The following OXCT1 variants were observed in gnomAD, a reference collection of about 807,000 sequenced individuals.
OXCT1 encodes the protein 3-oxoacid CoA-transferase 1, also known as succinyl-CoA:3-ketoacid coenzyme A transferase 1, mitochondrial.
OXCT1 carries 27 observed loss-of-function variants against 69.6 expected under a neutral mutation model. That is an observed-to-expected ratio of 0.39 (90% CI 0.29 to 0.54). The LOEUF (loss-of-function observed/expected upper bound fraction) is 0.54, where lower values mean the gene tolerates loss of function less well. Ranked by LOEUF, OXCT1 falls within the 20% of genes least tolerant of loss-of-function variation. The pLI is 0.72. For synonymous variants in OXCT1, 202 were observed against 217.8 expected, an observed-to-expected ratio of 0.93 and a Z score of 0.64; for missense variants, 437 against 650.2, an observed-to-expected ratio of 0.67 and a Z score of 3.57.
At chr5:41,736,483 A>G (rs1304880519) in intron 16 of OXCT1, among the ~76,000 whole-genome samples, 1 of 152,190 alleles carries the variant, frequency 6.6e-6, no homozygotes. Context: ...TAACACTATG[A>G]TATATATGAA....
intron 5 of OXCT1, among the ~76,000 whole-genome samples, chr5:41,847,150 A>T (rs925050340): frequency 6.6e-6 from 1 of 151,812 alleles, no homozygotes; most frequent in African/African-American, 2.4e-5. Flanking sequence ...TACTACAAAC[A>T]CCTCTACGCA....
intron 16 of OXCT1, among the ~76,000 whole-genome samples, chr5:41,734,462 A>G (rs1342744003): frequency 6.6e-6 from 1 of 152,196 alleles, no homozygotes; most frequent in Non-Finnish European, 1.5e-5. Context: ...CAATGGCAAA[A>G]CCATTTATTA....
intron 16 of OXCT1, among the ~76,000 whole-genome samples, chr5:41,738,927 C>T (rs1743021674): frequency 6.6e-6 from 1 of 152,164 alleles, no homozygotes; most frequent in Non-Finnish European, 1.5e-5. Context: ...AGAGGCCCAA[C>T]ATTTTAATAT....
intron 13 of OXCT1, among the ~76,000 whole-genome samples, chr5:41,787,634 C>CAAAAAAAAAAAAAA (rs765691863): frequency 2.9e-5 from 1 of 34,728 alleles, no homozygotes; most frequent in Non-Finnish European, 4.5e-5. Flanking sequence ...AAGCATTAGG[C>CAAAAAAAAAAAAAA]AAAAAAAAAA....
intron 12 of OXCT1, chr5:41,794,315 C>T (rs1003273603): frequency 2.8e-5 from 17 of 600,494 alleles, no homozygotes; most frequent in Admixed American, 3.0e-5. Context: ...CAGGTGTACA[C>T]AGGAAGACTG....
intron 14 of OXCT1, among the ~76,000 whole-genome samples, chr5:41,761,093 A>C (rs1314579856): frequency 6.6e-6 from 1 of 152,144 alleles, no homozygotes; most frequent in East Asian, 1.9e-4. Context: ...GAGGATGAAG[A>C]GAAGGCAAAG....
rs150864618 is a variant in OXCT1 at position 41,830,028 on chromosome 5, C to A, written c.732+10423G>T. 1.1e-3 allele frequency among the ~76,000 whole-genome samples: 162 copies of A among 152,204 alleles called. 1 individual carries two copies. The highest frequency in any genetic ancestry group is 3.7e-3 in the African/African-American group (154 of 41,538). On this transcript the variant is annotated intron_variant, in intron 7 of 16. Transcript: ENST00000196371. The stretch of plus-strand genomic sequence containing the variant: ...CATTACATTTTCAAAGCACTCTATA[C>A]CTGGCTAAATATGTGGCACAGAATT...
In OXCT1 at chr5:41,840,431, A is replaced by G. The variant is rs1199995910; in HGVS notation, c.732+20T>C. On this transcript the variant is annotated intron_variant, in intron 7 of 16. Transcript: ENST00000196371. ...TCAAGTTAAATAATTAACACCAAGA[A>G]TTCAAAAATAACCTCTTACCTCTAC... The G allele has an allele frequency of 2.5e-6, 4 of 1,578,068 alleles. No individual in the cohort carries two copies. The highest frequency in any genetic ancestry group is 2.2e-5 in the East Asian group (1 of 44,624).
intron 6 of OXCT1, 149 bp downstream of exon 6, chr5:41,842,526 G>A (rs1298036776): frequency 4.3e-6 from 3 of 701,768 alleles, no homozygotes; most frequent in Non-Finnish European, 7.9e-6. Context: ...CATACCAGCA[G>A]CCCTGCACAC....
At chr5:41,746,470 T>C (rs1008555514) in intron 15 of OXCT1, among the ~76,000 whole-genome samples, 5 of 152,080 alleles carry the variant, frequency 3.3e-5, no homozygotes, top group Admixed American at 3.3e-4. Flanking sequence ...GGCACTGCAT[T>C]CTCATTACTC....
intron 13 of OXCT1, among the ~76,000 whole-genome samples, chr5:41,773,412 GAAAAAAA>G (rs1412077994): frequency 8.8e-6 from 1 of 113,332 alleles, no homozygotes; most frequent in Non-Finnish European, 1.9e-5. Context: ...CTGTCTCTAC[GAAAAAAA>G]AAAAAAAGAA....
chr5:41,870,301 A>G lies in OXCT1; in HGVS notation c.58T>C (p.Ser20Pro), dbSNP rs1378788165. The change falls in exon 1 of 17, where the codon TCT becomes CCT. Residue 20 changes from serine (S) to proline (P), a missense_variant. Physicochemically the swap from Ser to Pro is moderately conservative, Grantham distance 74. Around this residue, in one of 4 missense-constraint regions of OXCT1, gnomAD observed 79 missense variants for 61.5 expected, o/e 1.28. Coordinates refer to ENST00000196371, the MANE Select transcript of OXCT1 (RefSeq NM_000436.4). This position sits in a 1 kb window ranked among gnomAD's most constrained non-coding sequence, Gnocchi z 4.2. ...TTTACCTTGTACCAGGTTGCCCCAG[A>G]TCCGCGGGCAGAGGCGCAGAGCCGA... The part of the protein sequence containing the change: ...GLRLCASARG[S>P]GATWYKGCVC... The G allele has an allele frequency of 6.2e-7, 1 of 1,613,870 alleles. No individual in the cohort carries two copies. The highest frequency in any genetic ancestry group is 8.5e-7 in the Non-Finnish European group (1 of 1,179,772).
chr5:41,738,944 C>A (rs900757970), intron 16 of OXCT1, among the ~76,000 whole-genome samples: 4 of 152,118 alleles, frequency 2.6e-5, no homozygotes, highest in African/African-American at 9.7e-5. Flanking sequence ...ATATTTTCAA[C>A]GGATGAAATA....
At chr5:41,740,307 C>T (rs1743101301) in intron 15 of OXCT1, among the ~76,000 whole-genome samples, 1 of 152,162 alleles carries the variant, frequency 6.6e-6, no homozygotes, top group African/African-American at 2.4e-5. Context: ...AGGATAGCTA[C>T]CCTGGTCCTG....
chr5:41,759,936 C>G (rs1456226677), intron 14 of OXCT1, among the ~76,000 whole-genome samples: 3 of 152,120 alleles, frequency 2.0e-5, no homozygotes, highest in Non-Finnish European at 4.4e-5. Flanking sequence ...TTACAAAACT[C>G]TAGAGATTGC....
rs181198787 is a variant in OXCT1, at chr5:41,815,672, A to G, written c.733-8234T>C. On this transcript the variant is annotated intron_variant, in intron 7 of 16. Coordinates refer to ENST00000196371, the MANE Select transcript of OXCT1 (RefSeq NM_000436.4). ...TACCCAAAGGAATTAAAATACATCTAACATGTTCATTCAAAGCACCAGTCT... is the reference window on the plus strand; with the variant it reads ...TACCCAAAGGAATTAAAATACATCTGACATGTTCATTCAAAGCACCAGTCT... Among the ~76,000 whole-genome samples the G allele has an allele frequency of 2.6e-5, 4 of 152,334 alleles. No homozygotes were observed. In the East Asian group the frequency reaches 7.7e-4, roughly 29 times the overall value.
At chr5:41,739,166 C>T (rs1343295072) in intron 16 of OXCT1, among the ~76,000 whole-genome samples, 1 of 152,188 alleles carries the variant, frequency 6.6e-6, no homozygotes, top group African/African-American at 2.4e-5. Context: ...GGTGGTGTGT[C>T]CCCTTCCTGC....
At chr5:41,766,170 G>C (rs772577088) in intron 13 of OXCT1, among the ~76,000 whole-genome samples, 2 of 152,074 alleles carry the variant, frequency 1.3e-5, no homozygotes, top group Non-Finnish European at 2.9e-5. Context: ...ATGATTGCTG[G>C]ATGCTCATTT....
chr5:41,776,444 T>C (rs904240383), intron 13 of OXCT1, among the ~76,000 whole-genome samples: 1 of 152,262 alleles, frequency 6.6e-6, no homozygotes, highest in African/African-American at 2.4e-5. Context: ...AAACTCAGTA[T>C]GTGGCCTGTT....
Sources: gnomAD v4.1 joint callset for allele counts (sites outside exome capture counted in the v4.1 genomes callset) on GRCh38, gnomAD v4.1.1 for gene constraint, gnomAD v4.1.1 regional missense constraint, Gnocchi (gnomAD v3.1) non-coding constraint, MANE v1.5 for transcripts, NCBI Gene and HGNC (gene_info 2026-07-23, HGNC 2026-07-21) for gene names.